DNAJC11: variants seen among roughly 807,000 people sequenced by gnomAD.
The protein encoded by DNAJC11 is dnaJ homolog subfamily C member 11.
In DNAJC11, 15 loss-of-function variants were observed where a neutral mutation model predicts 78.6. The observed-to-expected ratio is 0.19, with a 90% confidence interval of 0.13 to 0.29. The LOEUF (loss-of-function observed/expected upper bound fraction) is 0.29, where lower values mean the gene tolerates loss of function less well. DNAJC11 is among the 10% of genes least tolerant of loss of function. The pLI, the probability that DNAJC11 is intolerant of heterozygous loss-of-function variation, is 1.00. For missense variants in DNAJC11, 547 were observed against 709.6 expected, an observed-to-expected ratio of 0.77 and a Z score of 2.60; for synonymous variants, 292 against 272.1, an observed-to-expected ratio of 1.07 and a Z score of -0.72.
chr1:6,696,064 C>T (rs1642831463), intron 1 of DNAJC11, among the ~76,000 whole-genome samples: 1 of 152,188 alleles, frequency 6.6e-6, no homozygotes. Flanking sequence ...GCTTCTCAGC[C>T]TCTTGGCTTA....
intron 15 of DNAJC11, 64 bp downstream of exon 15, chr1:6,636,053 C>CT: frequency 1.3e-6 from 2 of 1,551,574 alleles, no homozygotes; most frequent in Non-Finnish European, 8.7e-7. Context: ...AGCCCACACA[C>CT]TGAGCAGCCG....
intron 3 of DNAJC11, among the ~76,000 whole-genome samples, chr1:6,675,690 T>C (rs1642450680): frequency 6.6e-6 from 1 of 152,208 alleles, no homozygotes; most frequent in African/African-American, 2.4e-5. Flanking sequence ...TTGAAACTGC[T>C]GGAATTACAG....
rs1570303091 is a variant in DNAJC11, at chr1:6,678,264, G to C, written c.276+130C>G. On this transcript the variant is annotated intron_variant, in intron 3 of 15. Transcript: ENST00000377577. ...ACTCAACCTCTAAAACAAAAATACAGGGCAAGGAAGGGGGCTCTAATGGTT... is the reference window on the plus strand; with the variant it reads ...ACTCAACCTCTAAAACAAAAATACACGGCAAGGAAGGGGGCTCTAATGGTT... 4.0e-6 allele frequency: 4 copies of C among 1,002,602 alleles called. No individual in the cohort carries two copies. The East Asian group carries it at 1.0e-4, about 25-fold the overall frequency. The allele number at this position is 1,002,602 out of a possible 1,614,324, so 62.1% of individuals were successfully genotyped here.
chr1:6,700,468 G>A (rs1031006326), intron 1 of DNAJC11, among the ~76,000 whole-genome samples: 12 of 152,210 alleles, frequency 7.9e-5, no homozygotes, highest in African/African-American at 2.9e-4. Context: ...GGTAAGGTAA[G>A]GTGACAGACT....
chr1:6,634,349 T>TA lies in DNAJC11; in HGVS notation c.*1325dup, dbSNP rs1641712522. 8.9e-7 allele frequency: 1 copy of TA among 1,117,854 alleles called. No individual in the cohort carries two copies. Among genetic ancestry groups the TA allele is most frequent in the South Asian group, 1.6e-5 (1 of 61,460 alleles). 69.2% of individuals were successfully genotyped at this position (1,117,854 alleles called of 1,614,324 possible). On this transcript the variant is annotated 3_prime_UTR_variant, in exon 16 of 16. Transcript: ENST00000377577. ...CGTGGGGCCGTCAGAGAAACCTTTT[T>TA]AAAAAATGGAGATGAATGTTACAGA...
chr1:6,696,776 A>G (rs1382293939), intron 1 of DNAJC11, among the ~76,000 whole-genome samples: 1 of 152,130 alleles, frequency 6.6e-6, no homozygotes, highest in African/African-American at 2.4e-5. Flanking sequence ...TAACAACTTC[A>G]TTTTTTACTT....
chr1:6,690,629 A>G (rs768930205), intron 1 of DNAJC11, among the ~76,000 whole-genome samples: 5 of 152,346 alleles, frequency 3.3e-5, no homozygotes, highest in Admixed American at 1.3e-4. Context: ...TCCTTCACTT[A>G]AAACCCCTGA....
At chr1:6,660,409 G>A (rs980687098) in intron 4 of DNAJC11, among the ~76,000 whole-genome samples, 3 of 152,038 alleles carry the variant, frequency 2.0e-5, no homozygotes, top group African/African-American at 7.2e-5. Context: ...GCCTGCCTCG[G>A]CCTGCCCAAG....
chr1:6,657,182 T>G lies in DNAJC11; in HGVS notation c.379-3143A>C, dbSNP rs114524313. Among the ~76,000 whole-genome samples, 4 of 152,110 alleles carry G rather than the reference T, an allele frequency of 2.6e-5. No homozygotes were observed. In the South Asian group the frequency reaches 8.3e-4, roughly 31 times the overall value. Reference sequence around the variant, plus strand: ...ACAGAATGCGTGGATGTGATGGTGCTGACTTCAAGACCAGCTCACGAGAAG... The same window carrying G: ...ACAGAATGCGTGGATGTGATGGTGCGGACTTCAAGACCAGCTCACGAGAAG... On this transcript the variant is annotated intron_variant, in intron 4 of 15. Coordinates refer to ENST00000377577, the MANE Select transcript of DNAJC11 (RefSeq NM_018198.4).
At chr1:6,672,023 T>C (rs1642389019) in intron 3 of DNAJC11, among the ~76,000 whole-genome samples, 1 of 151,994 alleles carries the variant, frequency 6.6e-6, no homozygotes, top group African/African-American at 2.4e-5. Context: ...TTAGTAGAGA[T>C]GACATTTCAC....
rs1202131788 is a variant in DNAJC11 at position 6,634,976 on chromosome 1, G to C, written c.*699C>G. 1.2e-6 allele frequency: 1 copy of C among 829,812 alleles called. No individual in the cohort carries two copies. Among genetic ancestry groups the C allele is most frequent in the Admixed American group, 3.8e-5 (1 of 26,502 alleles). The allele number at this position is 829,812 out of a possible 1,614,324, so 51.4% of individuals were successfully genotyped here. A position where few individuals can be genotyped will look rare whatever the true frequency, so the allele number is the denominator to read the frequency against. The stretch of plus-strand genomic sequence containing the variant: ...TGGTGGCAGGGCGTTTTCCCACCGG[G>C]ATACGGGAAGCCACCTGTGTCAGGG... On this transcript the variant is annotated 3_prime_UTR_variant, in exon 16 of 16. Coordinates refer to ENST00000377577, the MANE Select transcript of DNAJC11 (RefSeq NM_018198.4).
intron 4 of DNAJC11, among the ~76,000 whole-genome samples, chr1:6,666,372 TTTTC>T (rs1322109104): frequency 2.9e-5 from 4 of 138,064 alleles, no homozygotes; most frequent in Non-Finnish European, 6.2e-5. Flanking sequence ...CATTTGTTTT[TTTTC>T]TTTCTTTTCT....
Position 6,653,823 on chromosome 1 carries a change from G to A in DNAJC11, c.507+88C>T. 1 of 1,511,822 alleles carries A rather than the reference G, an allele frequency of 6.6e-7. No homozygotes were observed. The highest frequency in any genetic ancestry group is 9.1e-7 in the Non-Finnish European group (1 of 1,104,860). The allele number at this position is 1,511,822 out of a possible 1,614,324, so 93.7% of individuals were successfully genotyped here. On this transcript the variant is annotated intron_variant, in intron 5 of 15. Transcript: ENST00000377577. This position sits in a 1 kb window ranked among gnomAD's most constrained non-coding sequence, Gnocchi z 4.5. The stretch of plus-strand genomic sequence containing the variant: ...CATAAATAAAGATGAGAAAAACCCT[G>A]GGCAGACTCTCATTCCAGCTGCTTG...
rs2148724798 is a variant in DNAJC11 at position 6,635,226 on chromosome 1, G to A, written c.*449C>T. On this transcript the variant is annotated 3_prime_UTR_variant, in exon 16 of 16. Transcript: ENST00000377577. The stretch of plus-strand genomic sequence containing the variant: ...GAAGCCAGCACAGCAGAGGCTCCCT[G>A]ACCGGGAGGCCTGCCTGCTTTTCAG... 5.8e-6 allele frequency: 1 copy of A among 172,198 alleles called. No individual in the cohort carries two copies. The highest frequency in any genetic ancestry group is 5.4e-5 in the Admixed American group (1 of 18,358). The allele number at this position is 172,198 out of a possible 1,614,324, so 10.7% of individuals were successfully genotyped here. A position where few individuals can be genotyped will look rare whatever the true frequency, so the allele number is the denominator to read the frequency against.
chr1:6,664,812 C>T (rs1021793384), intron 4 of DNAJC11, among the ~76,000 whole-genome samples: 1 of 152,198 alleles, frequency 6.6e-6, no homozygotes, highest in Non-Finnish European at 1.5e-5. Context: ...TCAAACGGCT[C>T]ACTCTGTGTC....
intron 11 of DNAJC11, among the ~76,000 whole-genome samples, 158 bp from the exon 12 acceptor site, chr1:6,638,522 G>C (rs1159299082): frequency 3.3e-5 from 5 of 152,254 alleles, no homozygotes; most frequent in South Asian, 4.2e-4. Context: ...GACAGTCTCA[G>C]GCAAGTCTGT....
intron 1 of DNAJC11, among the ~76,000 whole-genome samples, chr1:6,682,657 A>G (rs1642572459): frequency 6.6e-6 from 1 of 152,198 alleles, no homozygotes; most frequent in Non-Finnish European, 1.5e-5. Flanking sequence ...GCTGGACGCA[A>G]TGGTTGACAC....
rs993435475 is a variant in DNAJC11 at position 6,678,332 on chromosome 1, G to C, written c.276+62C>G. 3.5e-5 allele frequency: 49 copies of C among 1,420,054 alleles called. No homozygotes were observed. The South Asian group carries it at 5.5e-4, about 16-fold the overall frequency. The allele number at this position is 1,420,054 out of a possible 1,614,324, so 88.0% of individuals were successfully genotyped here. A position where few individuals can be genotyped will look rare whatever the true frequency, so the allele number is the denominator to read the frequency against. ...CAATATTACAGATTGCAGGGTTTTG[G>C]GGAGATGTTCTGTAACTGTTTAATG... On this transcript the variant is annotated intron_variant, in intron 3 of 15. Coordinates refer to ENST00000377577, the MANE Select transcript of DNAJC11 (RefSeq NM_018198.4).
At chr1:6,701,467 C>G (rs1642927144) in intron 1 of DNAJC11, among the ~76,000 whole-genome samples, 1 of 152,246 alleles carries the variant, frequency 6.6e-6, no homozygotes, top group Non-Finnish European at 1.5e-5. Context: ...GCGGGGGCCT[C>G]TGGCCCTACC....
Sources: allele counts gnomAD v4.1 joint callset (sites outside exome capture counted in the v4.1 genomes callset), GRCh38; gene constraint gnomAD v4.1.1; non-coding constraint Gnocchi (gnomAD v3.1); transcripts MANE v1.5; gene names NCBI Gene and HGNC (gene_info 2026-07-23, HGNC 2026-07-21).